MYO16: variants seen among roughly 807,000 people sequenced by gnomAD.
The protein encoded by MYO16 is unconventional myosin-XVI.
In MYO16, 94 loss-of-function variants were observed where a neutral mutation model predicts 205.3. The ratio of observed to expected loss-of-function variants is 0.46; its 90% CI spans 0.39 to 0.54. MYO16 has a LOEUF of 0.54. Ranked by LOEUF, MYO16 falls within the 20% of genes least tolerant of loss-of-function variation. MYO16 has a pLI of 0.00. For missense variants in MYO16, 2,315 were observed against 2,387.5 expected, an observed-to-expected ratio of 0.97 and a Z score of 0.63; for synonymous variants, 988 against 954.0, an observed-to-expected ratio of 1.04 and a Z score of -0.66.
At chr13:109,040,511 T>A (rs187518988) in intron 23 of MYO16, among the ~76,000 whole-genome samples, 1 of 152,150 alleles carries the variant, frequency 6.6e-6, no homozygotes, top group African/African-American at 2.4e-5. Flanking sequence ...AAAAGAACGG[T>A]TTTGGTTTTT....
the MYO16 span, among the ~76,000 whole-genome samples, chr13:108,501,515 T>C: frequency 6.6e-6 from 1 of 152,374 alleles, no homozygotes; most frequent in South Asian, 2.1e-4. Context: ...AGAGTTACAC[T>C]GCTAGCTTAG....
the MYO16 span, among the ~76,000 whole-genome samples, chr13:108,556,494 A>G: frequency 9.9e-5 from 15 of 152,090 alleles, no homozygotes; most frequent in Non-Finnish European, 1.6e-4. Context: ...TTTTCTTGCT[A>G]TTGAATTGTT....
rs766913836 is a variant in MYO16, at chr13:108,665,871, T to G, written c.29-15T>G. On this transcript the variant is annotated splice_polypyrimidine_tract_variant and intron_variant, in intron 1 of 34. Transcript: ENST00000457511. ...AATAATAGGTCTGGTGACGCTCCCC[T>G]TGCATTTCTTCCAGGTTGCTTTCAG... 6.2e-7 allele frequency: 1 copy of G among 1,610,550 alleles called. No individual in the cohort carries two copies. Among genetic ancestry groups the G allele is most frequent in the East Asian group, 2.2e-5 (1 of 44,718 alleles).
intron 20 of MYO16, among the ~76,000 whole-genome samples, chr13:108,966,754 C>T (rs139951882): frequency 6.6e-6 from 1 of 152,072 alleles, no homozygotes; most frequent in East Asian, 1.9e-4. Flanking sequence ...AATTTAAATC[C>T]CCAGATAATG....
At chr13:108,703,252 C>A (rs912258353) in intron 2 of MYO16, among the ~76,000 whole-genome samples, 5 of 151,788 alleles carry the variant, frequency 3.3e-5, no homozygotes, top group Non-Finnish European at 5.9e-5. Flanking sequence ...CAAAAAGTAA[C>A]CCAAAAAGAG....
chr13:108,968,387 A>T (rs1487906077), intron 20 of MYO16, among the ~76,000 whole-genome samples: 1 of 152,214 alleles, frequency 6.6e-6, no homozygotes, highest in Non-Finnish European at 1.5e-5. Flanking sequence ...ACGCGGGTGG[A>T]TCACCTGAGG....
At chr13:108,575,053 G>A in the MYO16 span, among the ~76,000 whole-genome samples, 1 of 152,160 alleles carries the variant, frequency 6.6e-6, no homozygotes, top group Admixed American at 6.5e-5. Flanking sequence ...AGTATAAGGT[G>A]TACTCACACA....
At chr13:109,166,645 G>A (rs1326354313) in intron 33 of MYO16, 1 of 152,136 alleles carries the variant, frequency 6.6e-6, no homozygotes, top group Non-Finnish European at 1.5e-5. Context: ...CATTCTTCAC[G>A]GGATCCAGCA....
chr13:108,960,578 T>A, intron 17 of MYO16, among the ~76,000 whole-genome samples: 1 of 152,204 alleles, frequency 6.6e-6, no homozygotes, highest in East Asian at 1.9e-4. Context: ...TTCCACTGTG[T>A]ATTTATAAAG....
rs527426716 is a variant in MYO16 at position 109,035,548 on chromosome 13, G to A, written c.2797-11368G>A. Among the ~76,000 whole-genome samples, 15 of 152,308 alleles carry A rather than the reference G, an allele frequency of 9.8e-5. No homozygotes were observed. In the South Asian group the frequency reaches 3.1e-3, roughly 32 times the overall value. The stretch of plus-strand genomic sequence containing the variant: ...AAAATACAAAAATTAGCCGGGCGTG[G>A]TGGTGTATGCCTGCAATCCCAGCTA... On this transcript the variant is annotated intron_variant, in intron 23 of 34. Coordinates refer to ENST00000457511, the MANE Select transcript of MYO16 (RefSeq NM_001198950.3).
chr13:108,871,036 G>A lies in MYO16; in HGVS notation c.1425+4794G>A, dbSNP rs138026234. 3.3e-3 allele frequency among the ~76,000 whole-genome samples: 507 copies of A among 151,990 alleles called. 2 individuals are homozygous for A. The highest frequency in any genetic ancestry group is 5.2e-3 in the Non-Finnish European group (353 of 67,966). Reference sequence around the variant, plus strand: ...AGAAATATAAACCGAATTAATCTTCGTTTTCTACTTTTGTTTCTCTTTGAC... The same window carrying A: ...AGAAATATAAACCGAATTAATCTTCATTTTCTACTTTTGTTTCTCTTTGAC... On this transcript the variant is annotated intron_variant, in intron 12 of 34. Transcript: ENST00000457511.
intron 1 of MYO16, among the ~76,000 whole-genome samples, chr13:108,613,129 A>AAAT (rs1879234928): frequency 3.3e-5 from 5 of 152,314 alleles, no homozygotes; most frequent in African/African-American, 1.2e-4. Flanking sequence ...CAAATTGGGC[A>AAAT]CGTTGTCTTA....
At chr13:108,611,961 T>C (rs1475601716) in intron 1 of MYO16, among the ~76,000 whole-genome samples, 3 of 147,210 alleles carry the variant, frequency 2.0e-5, no homozygotes, top group African/African-American at 7.5e-5. Context: ...TAATATTCTT[T>C]TTTTTTTTTT....
chr13:108,827,349 T>C (rs1038297333), intron 9 of MYO16, among the ~76,000 whole-genome samples: 3 of 152,200 alleles, frequency 2.0e-5, no homozygotes, highest in Non-Finnish European at 2.9e-5. Flanking sequence ...TGCTTTACAG[T>C]AAACTCATAT....
chr13:108,595,841 T>G (rs1302341503), upstream of MYO16, among the ~76,000 whole-genome samples: 1 of 151,082 alleles, frequency 6.6e-6, no homozygotes, highest in African/African-American at 2.4e-5. Context: ...AAAAAAGGAG[T>G]GCACGTGTCA....
chr13:109,076,060 G>C (rs369573873), intron 27 of MYO16, among the ~76,000 whole-genome samples: 2 of 152,144 alleles, frequency 1.3e-5, no homozygotes, highest in African/African-American at 2.4e-5. Flanking sequence ...TCTGTGAGTG[G>C]GTACCAGTAC....
At chr13:108,601,767 A>G (rs1878771521) in intron 1 of MYO16, among the ~76,000 whole-genome samples, 1 of 152,056 alleles carries the variant, frequency 6.6e-6, no homozygotes, top group Non-Finnish European at 1.5e-5. Context: ...CAGTGGGTGA[A>G]CACTGCTGAG....
At chr13:108,537,399 A>T in the MYO16 span, among the ~76,000 whole-genome samples, 1 of 152,090 alleles carries the variant, frequency 6.6e-6, no homozygotes, top group Non-Finnish European at 1.5e-5. Context: ...TTCAATCATC[A>T]GTTGATGGAC....
chr13:108,500,332 C>T, the MYO16 span, among the ~76,000 whole-genome samples: 225 of 148,788 alleles, frequency 1.5e-3, 1 homozygote, highest in Non-Finnish European at 2.3e-3. Flanking sequence ...CGGGTTCAAG[C>T]GATTCTCCTG....
Sources: gnomAD v4.1 joint callset for allele counts (sites outside exome capture counted in the v4.1 genomes callset) on GRCh38, gnomAD v4.1.1 for gene constraint, MANE v1.5 for transcripts, NCBI Gene and HGNC (gene_info 2026-07-23, HGNC 2026-07-21) for gene names.